The following HCN1 variants were observed in gnomAD, a reference collection of about 807,000 sequenced individuals.
HCN1 encodes the protein hyperpolarization activated cyclic nucleotide gated potassium channel 1.
A neutral mutation model predicts 78.9 loss-of-function variants in HCN1; 13 were observed. The observed-to-expected ratio is 0.16, with a 90% CI of 0.11 to 0.26. HCN1 has a LOEUF of 0.26. HCN1 is among the 10% of genes least tolerant of loss of function. HCN1 has a pLI of 1.00. For missense variants in HCN1, 810 were observed against 1,154.3 expected (o/e 0.70, Z 4.32); for synonymous variants, 552 against 455.5 (o/e 1.21, Z -2.70).
At chr5:45,677,125 C>T (rs1177141869) in intron 1 of HCN1, among the ~76,000 whole-genome samples, 1 of 151,786 alleles carries the variant, frequency 6.6e-6, no homozygotes, top group Non-Finnish European at 1.5e-5. Context: ...GGAGGCTTTC[C>T]TAACCCCTTG....
At chr5:45,350,069 CA>C (rs984611405) in intron 5 of HCN1, among the ~76,000 whole-genome samples, 1 of 151,388 alleles carries the variant, frequency 6.6e-6, no homozygotes, top group Non-Finnish European at 1.5e-5. Context: ...GACACACAAC[CA>C]AAAAAAAGAA....
rs1554020376 is a variant in HCN1, at chr5:45,359,416, A to ATAT, written c.1231-6171_1231-6170insATA. Among the ~76,000 whole-genome samples the ATAT allele has an allele frequency of 2.6e-3, 373 of 142,562 alleles. 3 individuals are homozygous for ATAT. The highest frequency in any genetic ancestry group is 8.6e-3 in the African/African-American group (338 of 39,238). 93.5% of individuals were successfully genotyped at this position (142,562 alleles called of 152,430 possible). ...TTTCAGGAAGCATCAAAAAAAAAAA[A>ATAT]ATATATATATATATATATCACCTGA... On this transcript the variant is annotated intron_variant, in intron 4 of 7. Transcript: ENST00000303230.
intron 2 of HCN1, among the ~76,000 whole-genome samples, chr5:45,515,455 A>G (rs1174380378): frequency 1.3e-5 from 2 of 152,020 alleles, no homozygotes; most frequent in Non-Finnish European, 2.9e-5. Context: ...CATGAACAAA[A>G]TCATGTAGCA....
intron 6 of HCN1, among the ~76,000 whole-genome samples, chr5:45,271,433 C>CT (rs1182952600): frequency 3.3e-5 from 5 of 150,640 alleles, no homozygotes; most frequent in Non-Finnish European, 7.4e-5. Context: ...TTTAGGGATT[C>CT]TTTTTTTGGT....
chr5:45,485,474 G>A (rs955743610), intron 2 of HCN1, among the ~76,000 whole-genome samples: 3 of 152,070 alleles, frequency 2.0e-5, no homozygotes, highest in African/African-American at 7.2e-5. Context: ...TAAAAATTAT[G>A]ACTAAACAAT....
chr5:45,644,599 T>C (rs1745509598), intron 2 of HCN1: 1 of 152,524 alleles, frequency 6.6e-6, no homozygotes, highest in Non-Finnish European at 1.5e-5. Flanking sequence ...TCCTTTTTAG[T>C]ATTATGAAAT....
intron 5 of HCN1, among the ~76,000 whole-genome samples, chr5:45,331,966 G>A (rs1005658890): frequency 1.3e-5 from 2 of 151,416 alleles, no homozygotes; most frequent in Admixed American, 6.6e-5. Flanking sequence ...ACAATGTGAA[G>A]CTCTAGCTAT....
chr5:45,509,525 T>C, intron 2 of HCN1, among the ~76,000 whole-genome samples: 1 of 152,224 alleles, frequency 6.6e-6, no homozygotes, highest in East Asian at 1.9e-4. Context: ...GTTTCTGTGT[T>C]CCTCCAACAG....
chr5:45,512,589 T>A (rs898457190), intron 2 of HCN1, among the ~76,000 whole-genome samples: 1 of 152,092 alleles, frequency 6.6e-6, no homozygotes, highest in Non-Finnish European at 1.5e-5. Flanking sequence ...TCCTGCCCCA[T>A]GAATATTTTT....
chr5:45,496,653 C>A (rs1368213993), intron 2 of HCN1, among the ~76,000 whole-genome samples: 2 of 152,072 alleles, frequency 1.3e-5, no homozygotes, highest in African/African-American at 4.8e-5. Flanking sequence ...TTCAAAAAAC[C>A]AGCTCCTGGA....
At chr5:45,550,624 A>G (rs1743346665) in intron 2 of HCN1, among the ~76,000 whole-genome samples, 1 of 152,146 alleles carries the variant, frequency 6.6e-6, no homozygotes, top group African/African-American at 2.4e-5. Context: ...GTGCACATGT[A>G]CCCTAAAACT....
chr5:45,601,885 C>G (rs1744632092), intron 2 of HCN1, among the ~76,000 whole-genome samples: 1 of 152,066 alleles, frequency 6.6e-6, no homozygotes, highest in South Asian at 2.1e-4. Context: ...TATCCCCACC[C>G]AAATCTCATC....
chr5:45,322,334 G>T (rs1385022871), intron 5 of HCN1, among the ~76,000 whole-genome samples: 4 of 151,800 alleles, frequency 2.6e-5, no homozygotes, highest in Non-Finnish European at 1.5e-5. Context: ...TTTTTTAAAG[G>T]GTCCACTGGT....
rs574126695 is a variant in HCN1, at chr5:45,581,301, T to C, written c.849+63884A>G. ...CTCTGATGACCAGTGATGATGAGCA[T>C]TTGTTCATGTGTCTTTCGGCTGAGA... On this transcript the variant is annotated intron_variant, in intron 2 of 7. Transcript: ENST00000303230. Among the ~76,000 whole-genome samples the C allele has an allele frequency of 3.3e-5, 5 of 152,314 alleles. No individual in the cohort carries two copies. In the South Asian group the frequency reaches 1.0e-3, roughly 32 times the overall value.
At chr5:45,500,798 GA>G (rs1021293706) in intron 2 of HCN1, among the ~76,000 whole-genome samples, 5 of 151,954 alleles carry the variant, frequency 3.3e-5, no homozygotes, top group African/African-American at 7.2e-5. Context: ...TTTTATTTGA[GA>G]AAAAAATAAT....
chr5:45,451,205 A>G (rs1431167542), intron 3 of HCN1, among the ~76,000 whole-genome samples: 2 of 152,114 alleles, frequency 1.3e-5, no homozygotes, highest in African/African-American at 4.8e-5. Context: ...TCTCATTTAT[A>G]GGGTTTCTAT....
intron 4 of HCN1, among the ~76,000 whole-genome samples, chr5:45,360,705 T>C (rs1391010673): frequency 2.0e-5 from 3 of 152,106 alleles, no homozygotes; most frequent in African/African-American, 4.8e-5. Context: ...AGTCTTTACA[T>C]AGTAAGTCAT....
rs189180047 is a variant in HCN1, at chr5:45,546,314, A to G, written c.850-84307T>C. Among the ~76,000 whole-genome samples the G allele has an allele frequency of 3.5e-3, 534 of 151,990 alleles. 1 individual carries two copies. Among genetic ancestry groups the G allele is most frequent in the Admixed American group, 4.8e-3 (73 of 15,214 alleles). ...ACTTTCTTTGCAATTTATTTTATAT[A>G]TCACTTTTTTTTCATTTCTACTTCA... is the stretch of plus-strand genomic sequence containing the variant. On this transcript the variant is annotated intron_variant, in intron 2 of 7. Transcript: ENST00000303230.
intron 3 of HCN1, among the ~76,000 whole-genome samples, chr5:45,451,949 T>G (rs1362061172): frequency 6.6e-6 from 1 of 151,974 alleles, no homozygotes; most frequent in Non-Finnish European, 1.5e-5. Flanking sequence ...TTGATGGACA[T>G]TATAAGTAGA....
Sources: gnomAD v4.1 joint callset for allele counts (sites outside exome capture counted in the v4.1 genomes callset) on GRCh38, gnomAD v4.1.1 for gene constraint, MANE v1.5 for transcripts, NCBI Gene and HGNC (gene_info 2026-07-23, HGNC 2026-07-21) for gene names.